Variants in CTNNA2 observed in about 807,000 individuals in gnomAD.
The protein encoded by CTNNA2 is catenin alpha 2, also known as catenin alpha-2.
CTNNA2 carries 42 observed loss-of-function variants against 101.0 expected under a neutral mutation model. The ratio of observed to expected loss-of-function variants is 0.42; its 90% CI spans 0.32 to 0.54. The LOEUF (loss-of-function observed/expected upper bound fraction) is 0.54. CTNNA2 is among the 20% of genes least tolerant of loss of function. CTNNA2 has a pLI of 0.14. For synonymous variants in CTNNA2, 450 were observed against 456.4 expected (o/e 0.99, Z 0.18); for missense variants, 871 against 1,223.1 (o/e 0.71, Z 4.29).
At chr2:79,714,712 TA>T (rs1222495103) in intron 2 of CTNNA2, among the ~76,000 whole-genome samples, 2 of 152,206 alleles carry the variant, frequency 1.3e-5, no homozygotes, top group African/African-American at 4.8e-5. Flanking sequence ...AGCTTTCATT[TA>T]TCCAGTCATG....
chr2:80,303,827 A>G lies in CTNNA2; in HGVS notation c.1057-89384A>G. 3 of 1,504,444 alleles carry G rather than the reference A, an allele frequency of 2.0e-6. No homozygotes were observed. The highest frequency in any genetic ancestry group is 2.7e-6 in the Non-Finnish European group (3 of 1,126,534). The allele number at this position is 1,504,444 out of a possible 1,614,324, so 93.2% of individuals were successfully genotyped here. ...GAGCAGCAGGAAATCCATTAGCGAG[A>G]ATCTTTCCAGAGAGACTGGAGAATG... On this transcript the variant is annotated intron_variant, in intron 7 of 18. Coordinates refer to ENST00000402739, the MANE Select transcript of CTNNA2 (RefSeq NM_001282597.3). This position sits in a 1 kb window ranked among gnomAD's most constrained non-coding sequence, Gnocchi z 7.7.
chr2:79,822,950 C>G (rs1678129818), intron 3 of CTNNA2, among the ~76,000 whole-genome samples: 1 of 152,178 alleles, frequency 6.6e-6, no homozygotes, highest in South Asian at 2.1e-4. Context: ...GGTCTTCCAT[C>G]CCCTGAACTT....
chr2:80,084,155 G>A (rs111922405), intron 7 of CTNNA2, among the ~76,000 whole-genome samples: 1 of 152,118 alleles, frequency 6.6e-6, no homozygotes, highest in Non-Finnish European at 1.5e-5. Flanking sequence ...TGTTTGTAAT[G>A]GGATTTAGGA....
intron 3 of CTNNA2, among the ~76,000 whole-genome samples, chr2:79,816,579 G>T (rs1340098640): frequency 6.6e-6 from 1 of 152,086 alleles, no homozygotes; most frequent in African/African-American, 2.4e-5. Flanking sequence ...GAAGCCAAAA[G>T]AAAAGAGAGT....
intron 1 of CTNNA2, among the ~76,000 whole-genome samples, chr2:79,515,851 G>C (rs1671781285): frequency 6.6e-6 from 1 of 152,106 alleles, no homozygotes; most frequent in Admixed American, 6.5e-5. Context: ...GCCAATAGAA[G>C]ATCTTATGGA....
At chr2:80,264,531 C>T (rs1368053714) in intron 7 of CTNNA2, among the ~76,000 whole-genome samples, 1 of 152,162 alleles carries the variant, frequency 6.6e-6, no homozygotes. Flanking sequence ...TAACTGTTTA[C>T]AGACTGGGAT....
chr2:79,220,088 T>C (rs914275543), intron 2 of CTNNA2, among the ~76,000 whole-genome samples: 4 of 152,166 alleles, frequency 2.6e-5, no homozygotes, highest in Non-Finnish European at 4.4e-5. Context: ...TGCACTTTCT[T>C]TGACTGATTC....
At chr2:79,407,533 C>T (rs1249062547) in intron 4 of CTNNA2, among the ~76,000 whole-genome samples, 4 of 151,836 alleles carry the variant, frequency 2.6e-5, no homozygotes, top group Admixed American at 2.0e-4. Flanking sequence ...CACACAATAT[C>T]CTACTTATCT....
Position 79,231,875 on chromosome 2 carries a change from A to G in CTNNA2, c.-406+33799A>G, listed in dbSNP as rs556102983. On this transcript the variant is annotated intron_variant, in intron 2 of 21. Coordinates refer to the CTNNA2 transcript ENST00000466387. Reference sequence around the variant, plus strand: ...TTCTCATCTAGAATGTTACTGGTGTATAGAAATTCTACTGCTTTCTATAGC... The same window carrying G: ...TTCTCATCTAGAATGTTACTGGTGTGTAGAAATTCTACTGCTTTCTATAGC... Among the ~76,000 whole-genome samples, 145 of 152,292 alleles carry G rather than the reference A, an allele frequency of 9.5e-4. 1 individual carries two copies. Among genetic ancestry groups the G allele is most frequent in the African/African-American group, 2.6e-3 (106 of 41,564 alleles).
intron 7 of CTNNA2, among the ~76,000 whole-genome samples, chr2:80,171,536 CA>C (rs1705059799): frequency 6.6e-6 from 1 of 152,168 alleles, no homozygotes; most frequent in Non-Finnish European, 1.5e-5. Flanking sequence ...AAGGTAACAG[CA>C]ATCTAGGATG....
At chr2:79,731,554 C>T (rs1337712075) in intron 2 of CTNNA2, among the ~76,000 whole-genome samples, 2 of 151,998 alleles carry the variant, frequency 1.3e-5, no homozygotes, top group South Asian at 2.1e-4. Context: ...GATGTGAGTT[C>T]GCTTACATGT....
chr2:80,194,214 T>C lies in CTNNA2; in HGVS notation c.1057-198997T>C, dbSNP rs569794815. The stretch of plus-strand genomic sequence containing the variant: ...AGACACATTCTATTTGTGTGGAAAG[T>C]ATAAGTCAACATACTAAATTATTAA... On this transcript the variant is annotated intron_variant, in intron 7 of 18. Coordinates refer to ENST00000402739, the MANE Select transcript of CTNNA2 (RefSeq NM_001282597.3). 2.0e-5 allele frequency among the ~76,000 whole-genome samples: 3 copies of C among 152,288 alleles called. No individual in the cohort carries two copies. The South Asian group carries it at 6.2e-4, about 32-fold the overall frequency.
In CTNNA2 at chr2:80,094,326, C is replaced by T. The variant is rs551024960; in HGVS notation, c.1056+184529C>T. On this transcript the variant is annotated intron_variant, in intron 7 of 18. Transcript: ENST00000402739. ...AGATCAGATAGTTGTAGATATGCGG[C>T]ATTATTTCTGAGGGCTCTGTTCTGT... 9.6e-4 allele frequency among the ~76,000 whole-genome samples: 146 copies of T among 152,038 alleles called. 3 individuals carry two copies. The East Asian group carries it at 0.027, about 28-fold the overall frequency.
intron 1 of CTNNA2, among the ~76,000 whole-genome samples, chr2:79,650,842 T>G (rs1357224306): frequency 1.5e-5 from 2 of 135,998 alleles, no homozygotes; most frequent in Non-Finnish European, 3.0e-5. Flanking sequence ...TGTGTCCATA[T>G]GATCTCATTG....
At chr2:79,373,496 G>C (rs1445459668) in intron 3 of CTNNA2, among the ~76,000 whole-genome samples, 1 of 152,136 alleles carries the variant, frequency 6.6e-6, no homozygotes, top group East Asian at 1.9e-4. Flanking sequence ...CACTGAAATT[G>C]ATGCCATCAT....
intron 3 of CTNNA2, among the ~76,000 whole-genome samples, chr2:79,332,665 T>C (rs1676901866): frequency 6.6e-6 from 1 of 152,164 alleles, no homozygotes. Flanking sequence ...AATTAGAGTG[T>C]TGTATTTTGT....
At chr2:80,054,635 G>T (rs2104348445) in intron 7 of CTNNA2, among the ~76,000 whole-genome samples, 1 of 152,294 alleles carries the variant, frequency 6.6e-6, no homozygotes, top group Middle Eastern at 3.4e-3. Context: ...TAGTGGGCAG[G>T]TTTAATTAAT....
chr2:80,138,586 C>A (rs916059315), intron 7 of CTNNA2, among the ~76,000 whole-genome samples: 3 of 152,070 alleles, frequency 2.0e-5, no homozygotes, highest in Admixed American at 1.3e-4. Flanking sequence ...TTCCCAAGTA[C>A]CCATCACAAC....
At chr2:79,479,329 A>G (rs890505201) in intron 4 of CTNNA2, among the ~76,000 whole-genome samples, 2 of 152,158 alleles carry the variant, frequency 1.3e-5, no homozygotes, top group African/African-American at 4.8e-5. Flanking sequence ...TTTTTACTTC[A>G]CAATGCACCC....
Sources: gnomAD v4.1 joint callset for allele counts (sites outside exome capture counted in the v4.1 genomes callset) on GRCh38, gnomAD v4.1.1 for gene constraint, Gnocchi (gnomAD v3.1) non-coding constraint, MANE v1.5 for transcripts, NCBI Gene and HGNC (gene_info 2026-07-23, HGNC 2026-07-21) for gene names.